BDNF: variants seen among roughly 807,000 people sequenced by gnomAD.
BDNF encodes brain derived neurotrophic factor.
In BDNF, 1 loss-of-function variant was observed where a neutral mutation model predicts 19.5. That is an observed-to-expected ratio of 0.05 (90% confidence interval 0.02 to 0.24). The LOEUF is 0.24. BDNF is among the 10% of genes least tolerant of loss of function. The pLI is 1.00. For missense variants in BDNF, 195 were observed against 317.6 expected, an observed-to-expected ratio of 0.61 and a Z score of 2.93; for synonymous variants, 100 against 121.6, an observed-to-expected ratio of 0.82 and a Z score of 1.17.
chr11:27,705,724 G>A (rs79709370), intron 1 of BDNF, among the ~76,000 whole-genome samples: 15 of 152,306 alleles, frequency 9.8e-5, no homozygotes, highest in South Asian at 6.2e-4. Flanking sequence ...TTAGGCTTTA[G>A]ATTAGTCTGG....
At position 27,655,855 on chromosome 11, in the gene BDNF, A is replaced by G. The variant is rs1453312227; in HGVS notation, c.*1966T>C. ...GAGCTCTAGTTTTCACTGGGGATCCATTTTTCCAAGAACCACTATTTCAGG... is the reference window on the plus strand; with the variant it reads ...GAGCTCTAGTTTTCACTGGGGATCCGTTTTTCCAAGAACCACTATTTCAGG... On this transcript the variant is annotated 3_prime_UTR_variant, in exon 2 of 2. Coordinates refer to ENST00000356660, the MANE Select transcript of BDNF (RefSeq NM_001709.5). 1 of 152,162 alleles carries G rather than the reference A, an allele frequency of 6.6e-6. No individual in the cohort carries two copies. Among genetic ancestry groups the G allele is most frequent in the East Asian group, 1.9e-4 (1 of 5,178 alleles). The allele number at this position is 152,162 out of a possible 1,614,324, so 9.4% of individuals were successfully genotyped here.
In BDNF at chr11:27,718,881, C is replaced by T. The variant is rs1296206812; in HGVS notation, c.3+2531G>A. 3.3e-5 allele frequency among the ~76,000 whole-genome samples: 5 copies of T among 152,112 alleles called. No homozygotes were observed. The East Asian group carries it at 9.7e-4, about 30-fold the overall frequency. ...TCCTACGTTCCCCTCACCCCTACCC[C>T]AAGCTCTTGCCTTTTAATTAAGAAG... On this transcript the variant is annotated intron_variant, in intron 1 of 1. Transcript: ENST00000314915.
At position 27,657,244 on chromosome 11, in the gene BDNF, A is replaced by G. The variant is rs1354411057; in HGVS notation, c.*577T>C. On this transcript the variant is annotated 3_prime_UTR_variant, in exon 2 of 2. Transcript: ENST00000356660. The surrounding 1 kb of genome is among the most constrained non-coding windows in gnomAD (Gnocchi z 5.0). ...GTGGGAACTAAAAAACAAAACAAAC[A>G]AACGAAAAAAAAACACAAAACAAAC... The G allele has an allele frequency of 1.4e-5, 14 of 986,902 alleles. No homozygotes were observed. The highest frequency in any genetic ancestry group is 4.8e-6 in the Non-Finnish European group (4 of 830,548). The allele number at this position is 986,902 out of a possible 1,614,324, so 61.1% of individuals were successfully genotyped here. A position where few individuals can be genotyped will look rare whatever the true frequency, so the allele number is the denominator to read the frequency against.
intron 1 of BDNF, among the ~76,000 whole-genome samples, chr11:27,676,552 C>T (rs1856139489): frequency 6.6e-6 from 1 of 152,146 alleles, no homozygotes; most frequent in Non-Finnish European, 1.5e-5. Context: ...GGCCGTAAAT[C>T]ATGGCATTTT....
intron 1 of BDNF, among the ~76,000 whole-genome samples, chr11:27,667,354 A>G (rs1854531043): frequency 6.6e-6 from 1 of 152,258 alleles, no homozygotes; most frequent in African/African-American, 2.4e-5. Context: ...AAGAAACTGC[A>G]TCAACTAACG....
chr11:27,721,655 T>C (rs1233440110), exon 1 of BDNF: 1 of 595,738 alleles, frequency 1.7e-6, no homozygotes, highest in African/African-American at 1.9e-5. Flanking sequence ...TCGAAAAACC[T>C]ATAGATTTAC....
chr11:27,673,247 A>C (rs1214973119), intron 1 of BDNF, among the ~76,000 whole-genome samples: 1 of 139,544 alleles, frequency 7.2e-6, no homozygotes, highest in Non-Finnish European at 1.5e-5. Context: ...CATGCTGTGT[A>C]CAAAAAAAAA....
At position 27,715,794 on chromosome 11, in the gene BDNF, C is replaced by T. The variant is rs879561994; in HGVS notation, c.3+5618G>A. On this transcript the variant is annotated intron_variant, in intron 1 of 1. Transcript: ENST00000314915. ...AGATAATTCTGCACCTTACTTTCCT[C>T]ATCTGTAAAAGGTGATTGGTGATTC... Among the ~76,000 whole-genome samples the T allele has an allele frequency of 3.9e-5, 6 of 152,092 alleles. No homozygotes were observed. In the East Asian group the frequency reaches 1.2e-3, roughly 29 times the overall value.
intron 1 of BDNF, among the ~76,000 whole-genome samples, chr11:27,662,822 G>C (rs796540317): frequency 6.6e-6 from 1 of 152,190 alleles, no homozygotes; most frequent in South Asian, 2.1e-4. Context: ...ACAGGCCAGG[G>C]ACTGGTAACA....
At chr11:27,693,596 C>CT (rs948666698) in intron 1 of BDNF, among the ~76,000 whole-genome samples, 1 of 152,120 alleles carries the variant, frequency 6.6e-6, no homozygotes, top group Non-Finnish European at 1.5e-5. Flanking sequence ...GGAATACCTT[C>CT]GAGAGTTTGG....
At chr11:27,674,586 G>C in intron 1 of BDNF, 1 of 985,056 alleles carries the variant, frequency 1.0e-6, no homozygotes, top group Non-Finnish European at 1.2e-6. Flanking sequence ...TAACATCTTA[G>C]ATGACAAAAG....
intron 1 of BDNF, among the ~76,000 whole-genome samples, chr11:27,693,955 G>C (rs1367710604): frequency 6.6e-6 from 1 of 151,748 alleles, no homozygotes; most frequent in African/African-American, 2.4e-5. Flanking sequence ...ACACACACAC[G>C]CACCTTTATT....
At chr11:27,707,450 G>C (rs919898310) in intron 1 of BDNF, among the ~76,000 whole-genome samples, 3 of 152,200 alleles carry the variant, frequency 2.0e-5, no homozygotes, top group African/African-American at 7.2e-5. Context: ...AAGAAATGGG[G>C]TAGCAGAGGA....
intron 1 of BDNF, among the ~76,000 whole-genome samples, chr11:27,666,109 C>T (rs2133848255): frequency 6.6e-6 from 1 of 152,156 alleles, no homozygotes; most frequent in East Asian, 1.9e-4. Context: ...TGCCGTTCTG[C>T]AATATTTGCT....
chr11:27,719,538 C>T, intron 1 of BDNF: 1 of 985,380 alleles, frequency 1.0e-6, no homozygotes, highest in Non-Finnish European at 1.2e-6. Flanking sequence ...TCCGGCCCGG[C>T]TGGGGAGCGG....
rs1314246894 is a variant in BDNF at position 27,656,751 on chromosome 11, T to C, written c.*1070A>G. 4.1e-6 allele frequency: 4 copies of C among 985,292 alleles called. No homozygotes were observed. The highest frequency in any genetic ancestry group is 4.8e-6 in the Non-Finnish European group (4 of 829,934). 61.0% of individuals were successfully genotyped at this position (985,292 alleles called of 1,614,324 possible). On this transcript the variant is annotated 3_prime_UTR_variant, in exon 2 of 2. Coordinates refer to ENST00000356660, the MANE Select transcript of BDNF (RefSeq NM_001709.5). Reference sequence around the variant, plus strand: ...TAAGCTTAGCCATGATTTACCCAAATGTTCACTCCTCATAAAAAATAATCT... The same window carrying C: ...TAAGCTTAGCCATGATTTACCCAAACGTTCACTCCTCATAAAAAATAATCT...
chr11:27,688,974 CCTCT>C (rs1185268696), intron 1 of BDNF, among the ~76,000 whole-genome samples: 1 of 152,074 alleles, frequency 6.6e-6, no homozygotes, highest in Non-Finnish European at 1.5e-5. Context: ...TTCATTTTTC[CCTCT>C]AAGAGTTTTT....
intron 1 of BDNF, among the ~76,000 whole-genome samples, chr11:27,689,424 A>G (rs963478065): frequency 3.3e-5 from 5 of 152,240 alleles, no homozygotes; most frequent in African/African-American, 1.2e-4. Context: ...ATGCATTTTA[A>G]AAATGTATGG....
intron 1 of BDNF, among the ~76,000 whole-genome samples, chr11:27,664,244 A>G (rs1224477794): frequency 1.3e-5 from 2 of 152,162 alleles, no homozygotes; most frequent in Non-Finnish European, 2.9e-5. Flanking sequence ...GCAAATCAAT[A>G]TTTAAAAATT....
Sources: allele counts gnomAD v4.1 joint callset (sites outside exome capture counted in the v4.1 genomes callset), GRCh38; gene constraint gnomAD v4.1.1; non-coding constraint Gnocchi (gnomAD v3.1); transcripts MANE v1.5; gene names NCBI Gene and HGNC (gene_info 2026-07-23, HGNC 2026-07-21).